CMPK1: variants seen among roughly 807,000 people sequenced by gnomAD.
CMPK1 encodes the protein UMP-CMP kinase.
CMPK1 carries 10 observed loss-of-function variants against 25.7 expected under a neutral mutation model. The observed-to-expected ratio is 0.39, with a 90% CI of 0.24 to 0.66. CMPK1 has a LOEUF of 0.66. Among genes scored for constraint, CMPK1 ranks in the 30% least tolerant of loss-of-function variants. The pLI is 0.48. For missense variants in CMPK1, 199 were observed against 280.5 expected (o/e 0.71, Z 2.08); for synonymous variants, 106 against 101.5 (o/e 1.04, Z -0.27).
chr1:47,344,450 A>G (rs1438081538), intron 1 of CMPK1, among the ~76,000 whole-genome samples: 2 of 152,182 alleles, frequency 1.3e-5, no homozygotes, highest in Non-Finnish European at 2.9e-5. Context: ...GCAAACAGAT[A>G]TGAAAGAACT....
intron 1 of CMPK1, among the ~76,000 whole-genome samples, chr1:47,341,503 A>C (rs1646440580): frequency 6.6e-6 from 1 of 151,626 alleles, no homozygotes; most frequent in South Asian, 2.1e-4. Flanking sequence ...CAAGTAGCTG[A>C]GATTACAGGT....
intron 1 of CMPK1, among the ~76,000 whole-genome samples, chr1:47,343,572 A>AT (rs1334222040): frequency 6.6e-6 from 1 of 151,140 alleles, no homozygotes; most frequent in African/African-American, 2.4e-5. Flanking sequence ...TTCAGAAAAC[A>AT]TTTTTTGAGA....
intron 1 of CMPK1, among the ~76,000 whole-genome samples, chr1:47,338,598 G>A (rs35234940): frequency 0.41 from 35,569 of 86,152 alleles, 5,277 homozygotes; most frequent in Middle Eastern, 0.5. Context: ...CCTCCTTCCT[G>A]TTCTTTCTTT....
chr1:47,373,765 C>T (rs1646691195), intron 3 of CMPK1, among the ~76,000 whole-genome samples: 1 of 150,754 alleles, frequency 6.6e-6, no homozygotes, highest in African/African-American at 2.4e-5. Context: ...CACTGCACTC[C>T]AGCCTGGGCG....
At chr1:47,336,314 A>G (rs1646398678) in intron 1 of CMPK1, among the ~76,000 whole-genome samples, 1 of 152,132 alleles carries the variant, frequency 6.6e-6, no homozygotes, top group South Asian at 2.1e-4. Flanking sequence ...CTAGGCCCAG[A>G]GATGTTGTTG....
intron 1 of CMPK1, among the ~76,000 whole-genome samples, chr1:47,349,924 C>T (rs1414427845): frequency 6.6e-6 from 1 of 152,018 alleles, no homozygotes; most frequent in Admixed American, 6.6e-5. Flanking sequence ...CCTGTCTCAG[C>T]TTCCTAAGTA....
At chr1:47,372,094 A>AT (rs1370485765) in intron 2 of CMPK1, among the ~76,000 whole-genome samples, 4,244 of 130,322 alleles carry the variant, frequency 0.033, 64 homozygotes, top group East Asian at 0.042. Flanking sequence ...CTTTTTTCCT[A>AT]TTTTTTTTTT....
chr1:47,337,207 G>A (rs908558456), intron 1 of CMPK1, among the ~76,000 whole-genome samples: 7 of 152,186 alleles, frequency 4.6e-5, no homozygotes, highest in African/African-American at 1.7e-4. Flanking sequence ...GGCATGAACC[G>A]GGGAGGCGGA....
At chr1:47,373,385 A>G (rs1646689224) in intron 3 of CMPK1, 1 of 223,282 alleles carries the variant, frequency 4.5e-6, no homozygotes, top group Admixed American at 5.6e-5. Context: ...AATATTAGGT[A>G]ATGAAGCTGA....
Position 47,369,929 on chromosome 1 carries a change from C to T in CMPK1, c.318+1314C>T, listed in dbSNP as rs373833514. Among the ~76,000 whole-genome samples, 268 of 46,938 alleles carry T rather than the reference C, an allele frequency of 5.7e-3. 1 individual carries two copies. The highest frequency in any genetic ancestry group is 0.019 in the African/African-American group (249 of 12,820). 30.8% of individuals were successfully genotyped at this position (46,938 alleles called of 152,430 possible). A position where few individuals can be genotyped will look rare whatever the true frequency, so the allele number is the denominator to read the frequency against. On this transcript the variant is annotated intron_variant, in intron 2 of 5. Coordinates refer to ENST00000371873, the MANE Select transcript of CMPK1 (RefSeq NM_016308.3). ...TCTCTCTTTTTTTTTTTTTTTTTGG[C>T]GGGGAGACGGAGTTTCGCTCTGTCG...
intron 1 of CMPK1, among the ~76,000 whole-genome samples, chr1:47,336,875 G>A (rs6681868): frequency 0.59 from 89,204 of 152,168 alleles, 28,297 homozygotes; most frequent in African/African-American, 0.84. Context: ...TACTTTATGC[G>A]TGTTATATTT....
At chr1:47,370,020 T>G (rs1646667354) in intron 2 of CMPK1, among the ~76,000 whole-genome samples, 1 of 119,198 alleles carries the variant, frequency 8.4e-6, no homozygotes, top group African/African-American at 2.5e-5. Flanking sequence ...GTTCACGCCA[T>G]TCTCCTGTCT....
intron 1 of CMPK1, among the ~76,000 whole-genome samples, chr1:47,343,042 A>C (rs1259996023): frequency 1.3e-5 from 2 of 150,420 alleles, no homozygotes; most frequent in African/African-American, 2.5e-5. Flanking sequence ...GCTAGAGTGC[A>C]ATGGCGTGAT....
At chr1:47,372,785 C>CT (rs1646685126) in intron 2 of CMPK1, among the ~76,000 whole-genome samples, 170 bp from the exon 3 acceptor site, 1 of 140,528 alleles carries the variant, frequency 7.1e-6, no homozygotes, top group African/African-American at 2.8e-5. Flanking sequence ...TCCTTCTAGT[C>CT]TTTTTTCTTT....
At chr1:47,338,339 T>C (rs1014780985) in intron 1 of CMPK1, among the ~76,000 whole-genome samples, 3 of 152,172 alleles carry the variant, frequency 2.0e-5, no homozygotes, top group African/African-American at 7.2e-5. Context: ...TGAATTCTGC[T>C]CTGCAAATTG....
intron 1 of CMPK1, among the ~76,000 whole-genome samples, chr1:47,360,932 GT>G (rs1646597143): frequency 6.6e-6 from 1 of 152,142 alleles, no homozygotes; most frequent in Non-Finnish European, 1.5e-5. Flanking sequence ...GGCAGGTTGG[GT>G]TTTATGCTTC....
In CMPK1 at chr1:47,377,446, A is replaced by T. The variant is rs1646715305; in HGVS notation, c.*701A>T. The stretch of plus-strand genomic sequence containing the variant: ...TCTAAGGGTATGGGGCAAGGATCAC[A>T]TCTAATGCTTGTGTTCCTTATACTC... On this transcript the variant is annotated 3_prime_UTR_variant, in exon 6 of 6. Coordinates refer to ENST00000371873, the MANE Select transcript of CMPK1 (RefSeq NM_016308.3). 6.6e-6 allele frequency: 1 copy of T among 152,214 alleles called. No homozygotes were observed. The highest frequency in any genetic ancestry group is 2.1e-4 in the South Asian group (1 of 4,832). 9.4% of individuals were successfully genotyped at this position (152,214 alleles called of 1,614,324 possible).
At chr1:47,355,345 C>CT (rs58017732) in intron 1 of CMPK1, among the ~76,000 whole-genome samples, 11 of 104,014 alleles carry the variant, frequency 1.1e-4, no homozygotes, top group African/African-American at 3.7e-4. Flanking sequence ...CATGCCCAGT[C>CT]TTTTTTTTTT....
intron 1 of CMPK1, among the ~76,000 whole-genome samples, chr1:47,367,193 G>T (rs2820986): frequency 0.68 from 102,990 of 152,078 alleles, 35,418 homozygotes; most frequent in East Asian, 0.94. Flanking sequence ...CTAATGGAAG[G>T]TCCTATATGA....
Sources: gnomAD v4.1 joint callset for allele counts (sites outside exome capture counted in the v4.1 genomes callset) on GRCh38, gnomAD v4.1.1 for gene constraint, MANE v1.5 for transcripts, NCBI Gene and HGNC (gene_info 2026-07-23, HGNC 2026-07-21) for gene names.